Variants in GPC6 observed in about 807,000 individuals in gnomAD.
GPC6 encodes glypican 6, also known as glypican-6.
GPC6 carries 14 observed loss-of-function variants against 55.2 expected under a neutral mutation model. The ratio of observed to expected loss-of-function variants is 0.25; its 90% CI spans 0.17 to 0.40. The LOEUF (loss-of-function observed/expected upper bound fraction) is 0.40, where lower values mean the gene tolerates loss of function less well. Ranked by LOEUF, GPC6 falls within the 10% of genes least tolerant of loss-of-function variation. The pLI, the probability that GPC6 is intolerant of heterozygous loss-of-function variation, is 1.00. For synonymous variants in GPC6, 278 were observed against 259.6 expected (o/e 1.07, Z -0.68); for missense variants, 641 against 708.5 (o/e 0.90, Z 1.08).
intron 6 of GPC6, among the ~76,000 whole-genome samples, chr13:94,326,203 G>T (rs985662364): frequency 1.1e-5 from 1 of 89,770 alleles, no homozygotes; most frequent in Non-Finnish European, 2.2e-5. Context: ...TGGTATGCTT[G>T]TGCACACACA....
chr13:93,618,453 T>G (rs950765288), intron 2 of GPC6, among the ~76,000 whole-genome samples: 1 of 152,046 alleles, frequency 6.6e-6, no homozygotes, highest in Non-Finnish European at 1.5e-5. Context: ...TCCACATTTG[T>G]ACAGGGCTTA....
intron 2 of GPC6, among the ~76,000 whole-genome samples, chr13:93,626,705 G>T (rs1283735926): frequency 6.6e-6 from 1 of 151,922 alleles, no homozygotes; most frequent in Non-Finnish European, 1.5e-5. Context: ...GGGAGGCTGA[G>T]GCAGAAGAAT....
chr13:93,840,585 G>C (rs1267322732), intron 3 of GPC6, among the ~76,000 whole-genome samples: 1 of 152,048 alleles, frequency 6.6e-6, no homozygotes, highest in Non-Finnish European at 1.5e-5. Context: ...CCTGTGTTCA[G>C]CTCCTCTTTA....
intron 2 of GPC6, among the ~76,000 whole-genome samples, chr13:93,555,182 C>T (rs1193551894): frequency 1.3e-5 from 2 of 152,182 alleles, no homozygotes; most frequent in Non-Finnish European, 2.9e-5. Context: ...ATTTAGTTCT[C>T]TCAGTCTTCC....
chr13:93,984,168 C>T (rs373807465), intron 3 of GPC6, among the ~76,000 whole-genome samples: 1 of 152,054 alleles, frequency 6.6e-6, no homozygotes, highest in Non-Finnish European at 1.5e-5. Flanking sequence ...TCTTAGCTGT[C>T]CTGTTTTGAT....
At chr13:93,434,234 AT>A (rs1877480048) in intron 1 of GPC6, among the ~76,000 whole-genome samples, 1 of 152,186 alleles carries the variant, frequency 6.6e-6, no homozygotes, top group Non-Finnish European at 1.5e-5. Flanking sequence ...ATCAATAGAA[AT>A]GCCACAGTCT....
intron 2 of GPC6, among the ~76,000 whole-genome samples, chr13:93,546,195 C>G (rs16948958): frequency 0.059 from 9,032 of 152,150 alleles, 885 homozygotes; most frequent in African/African-American, 0.21. Context: ...TCTTGTAAAC[C>G]AGACTTGCAC....
chr13:94,316,513 C>G (rs1173655832), intron 6 of GPC6, among the ~76,000 whole-genome samples: 1 of 151,886 alleles, frequency 6.6e-6, no homozygotes, highest in Non-Finnish European at 1.5e-5. Context: ...GTCAGGAGAT[C>G]GAGACCATCC....
intron 4 of GPC6, among the ~76,000 whole-genome samples, chr13:94,146,729 CA>C (rs1887574643): frequency 6.6e-6 from 1 of 151,994 alleles, no homozygotes; most frequent in Admixed American, 6.6e-5. Flanking sequence ...AGTCCCATAC[CA>C]GTTGTTGTAT....
intron 2 of GPC6, among the ~76,000 whole-genome samples, chr13:93,662,884 G>T (rs903764333): frequency 6.6e-6 from 1 of 151,918 alleles, no homozygotes. Context: ...AAACACCTAG[G>T]CATGTGCCCT....
At chr13:93,222,557 T>C (rs1039247286), upstream of GPC6, among the ~76,000 whole-genome samples, 5 of 152,218 alleles carry the variant, frequency 3.3e-5, no homozygotes, top group African/African-American at 7.2e-5. Flanking sequence ...TAAGCTTCCT[T>C]ATCATTGTCC....
At chr13:93,597,671 C>T (rs1877823323) in intron 2 of GPC6, among the ~76,000 whole-genome samples, 1 of 152,148 alleles carries the variant, frequency 6.6e-6, no homozygotes, top group Admixed American at 6.5e-5. Context: ...TCCACTTCCA[C>T]TTCATGAATA....
chr13:93,774,477 T>C (rs1038695049), intron 2 of GPC6, among the ~76,000 whole-genome samples: 1 of 152,190 alleles, frequency 6.6e-6, no homozygotes, highest in Admixed American at 6.5e-5. Context: ...CTTCCAGCTC[T>C]CCTTCGTGTA....
intron 3 of GPC6, among the ~76,000 whole-genome samples, chr13:94,019,711 A>T (rs544237783): frequency 2.6e-5 from 4 of 152,244 alleles, no homozygotes; most frequent in African/African-American, 9.6e-5. Flanking sequence ...TACTTTATTT[A>T]TATTGGCAAA....
intron 3 of GPC6, among the ~76,000 whole-genome samples, chr13:93,856,882 A>G (rs1347615048): frequency 1.3e-5 from 2 of 151,648 alleles, no homozygotes; most frequent in African/African-American, 4.8e-5. Context: ...ACGTGGTTAA[A>G]TAGGCAAAGC....
chr13:93,796,263 T>C (rs1886194639), intron 2 of GPC6, among the ~76,000 whole-genome samples: 1 of 152,106 alleles, frequency 6.6e-6, no homozygotes, highest in African/African-American at 2.4e-5. Context: ...AGTCTAGTAA[T>C]TGGATTTTTT....
chr13:94,004,844 G>T (rs1881946873), intron 3 of GPC6, among the ~76,000 whole-genome samples: 1 of 151,978 alleles, frequency 6.6e-6, no homozygotes, highest in Non-Finnish European at 1.5e-5. Flanking sequence ...GTCACCTGAA[G>T]TCAGGAGTTT....
rs74957506 is a variant in GPC6, at chr13:93,951,974, C to T, written c.712-75755C>T. Among the ~76,000 whole-genome samples, 576 of 152,226 alleles carry T rather than the reference C, an allele frequency of 3.8e-3. 5 individuals are homozygous for T. Among genetic ancestry groups the T allele is most frequent in the African/African-American group, 0.013 (559 of 41,554 alleles). On this transcript the variant is annotated intron_variant, in intron 3 of 8. Coordinates refer to ENST00000377047, the MANE Select transcript of GPC6 (RefSeq NM_005708.5). ...CTTAGAGCTCAGAAATACATTCTTT[C>T]ATACAAACAACATGCTAGTTGATGG... is the stretch of plus-strand genomic sequence containing the variant.
At chr13:94,101,195 G>T (rs1023875131) in intron 4 of GPC6, among the ~76,000 whole-genome samples, 5 of 152,200 alleles carry the variant, frequency 3.3e-5, no homozygotes, top group Non-Finnish European at 7.3e-5. Flanking sequence ...TTTGTTCTCA[G>T]TTCAAGGTTA....
Sources: allele counts gnomAD v4.1 joint callset (sites outside exome capture counted in the v4.1 genomes callset), GRCh38; gene constraint gnomAD v4.1.1; transcripts MANE v1.5; gene names NCBI Gene and HGNC (gene_info 2026-07-23, HGNC 2026-07-21).